GLT1D1: variants seen among roughly 807,000 people sequenced by gnomAD.
GLT1D1 encodes the protein glycosyltransferase 1 domain-containing protein 1.
In GLT1D1, 21 loss-of-function variants were observed where a neutral mutation model predicts 28.7. The observed-to-expected ratio is 0.73, with a 90% CI of 0.52 to 1.05. The LOEUF is 1.05. Among genes scored for constraint, GLT1D1 ranks in the 50% least tolerant of loss-of-function variants. The pLI, the probability that GLT1D1 is intolerant of heterozygous loss-of-function variation, is 0.00. For missense variants in GLT1D1, 343 were observed against 330.6 expected (o/e 1.04, Z -0.29); for synonymous variants, 147 against 124.8 (o/e 1.18, Z -1.19).
At chr12:128,949,092 C>T (rs757442844) in intron 6 of GLT1D1, among the ~76,000 whole-genome samples, 44 of 152,304 alleles carry the variant, frequency 2.9e-4, no homozygotes, top group Non-Finnish European at 5.3e-4. Flanking sequence ...ACATTTTATT[C>T]GTCATGTAGG....
chr12:128,945,270 C>G, intron 4 of GLT1D1, 56 bp from the exon 9 acceptor site: 1 of 1,580,990 alleles, frequency 6.3e-7, no homozygotes, highest in Non-Finnish European at 8.7e-7. Context: ...TGCTGGCCGG[C>G]TGGCAGCGCC....
chr12:128,854,273 C>G (rs1334952459), intron 1 of GLT1D1, among the ~76,000 whole-genome samples: 2 of 152,246 alleles, frequency 1.3e-5, no homozygotes, highest in African/African-American at 2.4e-5. Context: ...GGGGCCGCCG[C>G]GTTAATCCCG....
At position 128,889,936 on chromosome 12, in the gene GLT1D1, G is replaced by A. The variant is rs368362370; in HGVS notation, c.323+1192G>A. On this transcript the variant is annotated intron_variant, in intron 3 of 7. Transcript: ENST00000281703. ...ATTATGGGCGCCTGCCACCACAGTC[G>A]GCTAATTTTTGTATTTTTAGTAGAG... Among the ~76,000 whole-genome samples the A allele has an allele frequency of 5.3e-5, 8 of 152,228 alleles. No homozygotes were observed. The East Asian group carries it at 1.2e-3, about 22-fold the overall frequency.
At chr12:128,859,117 C>T (rs762073971) in intron 1 of GLT1D1, among the ~76,000 whole-genome samples, 5 of 152,190 alleles carry the variant, frequency 3.3e-5, no homozygotes, top group Non-Finnish European at 7.3e-5. Context: ...TCAGGACCTC[C>T]TGAGGGCTGT....
intron 1 of GLT1D1, among the ~76,000 whole-genome samples, chr12:128,874,482 T>G (rs1956825980): frequency 8.5e-6 from 1 of 117,704 alleles, no homozygotes; most frequent in African/African-American, 4.3e-5. Flanking sequence ...GTGGCTGGCT[T>G]TTTTTTTTTT....
At chr12:128,964,080 G>C (rs1257394762) in intron 7 of GLT1D1, among the ~76,000 whole-genome samples, 2 of 152,158 alleles carry the variant, frequency 1.3e-5, no homozygotes, top group Non-Finnish European at 2.9e-5. Context: ...ACAGCTCTCT[G>C]GGGTCCCTTT....
chr12:128,876,109 C>T (rs1446035288), intron 2 of GLT1D1, 47 bp downstream of exon 2: 1 of 1,544,288 alleles, frequency 6.5e-7, no homozygotes, highest in African/African-American at 1.4e-5. Context: ...ATTCTGAAAA[C>T]CGGAAGTGCC....
intron 7 of GLT1D1, among the ~76,000 whole-genome samples, chr12:128,978,486 A>G (rs112737630): frequency 0.012 from 1,758 of 152,260 alleles, 22 homozygotes; most frequent in African/African-American, 0.039. Context: ...CGGGCTCCCC[A>G]TGCGACCTGG....
At chr12:128,863,135 G>A (rs1956420755) in intron 1 of GLT1D1, among the ~76,000 whole-genome samples, 1 of 152,128 alleles carries the variant, frequency 6.6e-6, no homozygotes, top group African/African-American at 2.4e-5. Context: ...CCAGAGACAC[G>A]AGAGACTGGC....
chr12:128,879,368 ATTTTTTTCTT>A (rs1956949190), intron 2 of GLT1D1, among the ~76,000 whole-genome samples: 4 of 116,018 alleles, frequency 3.4e-5, no homozygotes, highest in African/African-American at 1.4e-4. Flanking sequence ...GATACTTATT[ATTTTTTTCTT>A]TTTCTTTCTT....
At chr12:128,981,595 G>A (rs1880322275) in intron 7 of GLT1D1, among the ~76,000 whole-genome samples, 1 of 152,036 alleles carries the variant, frequency 6.6e-6, no homozygotes, top group Non-Finnish European at 1.5e-5. Context: ...GCTATAAAAG[G>A]CACTCAACAT....
chr12:128,897,385 A>G (rs185371641), intron 3 of GLT1D1, among the ~76,000 whole-genome samples: 2 of 152,256 alleles, frequency 1.3e-5, no homozygotes, highest in Non-Finnish European at 2.9e-5. Flanking sequence ...ATTTTAATAT[A>G]ATCAAAGCTT....
intron 2 of GLT1D1, among the ~76,000 whole-genome samples, chr12:128,887,392 G>A (rs1321162961): frequency 6.6e-6 from 1 of 151,980 alleles, no homozygotes; most frequent in African/African-American, 2.4e-5. Flanking sequence ...TATCACAGAT[G>A]CTCTGTGCAT....
intron 4 of GLT1D1, among the ~76,000 whole-genome samples, chr12:128,923,971 C>T (rs1445525508): frequency 6.6e-6 from 1 of 152,128 alleles, no homozygotes; most frequent in East Asian, 1.9e-4. Flanking sequence ...AAAGCAGCCA[C>T]CCCTGCATTT....
At chr12:128,949,186 A>C (rs1876438254) in intron 6 of GLT1D1, among the ~76,000 whole-genome samples, 1 of 152,178 alleles carries the variant, frequency 6.6e-6, no homozygotes, top group Non-Finnish European at 1.5e-5. Flanking sequence ...TTTTTTTTCA[A>C]CTTCTTAAGG....
intron 4 of GLT1D1, chr12:128,944,928 G>C (rs575260450): frequency 8.9e-5 from 45 of 507,762 alleles, no homozygotes; most frequent in Middle Eastern, 5.4e-4. Flanking sequence ...GGTATTTCTC[G>C]TAACGCTATC....
chr12:128,944,999 A>T, intron 4 of GLT1D1: 1 of 593,584 alleles, frequency 1.7e-6, no homozygotes, highest in Non-Finnish European at 3.0e-6. Flanking sequence ...CCCTGTGTCC[A>T]TGTGTTCTCA....
At chr12:128,884,773 C>T (rs373765972) in intron 2 of GLT1D1, among the ~76,000 whole-genome samples, 14 of 152,070 alleles carry the variant, frequency 9.2e-5, no homozygotes, top group East Asian at 3.9e-4. Context: ...AAGATAGCAC[C>T]GCTGCACTCT....
chr12:128,940,964 G>A (rs1420411001), intron 4 of GLT1D1, among the ~76,000 whole-genome samples: 2 of 151,938 alleles, frequency 1.3e-5, no homozygotes, highest in Non-Finnish European at 2.9e-5. Flanking sequence ...TCCCATTTCC[G>A]CCTCACCCCA....
Sources: allele counts gnomAD v4.1 joint callset (sites outside exome capture counted in the v4.1 genomes callset), GRCh38; gene constraint gnomAD v4.1.1; transcripts MANE v1.5; gene names NCBI Gene and HGNC (gene_info 2026-07-23, HGNC 2026-07-21).